Variants in ADAMTS3 observed in about 807,000 individuals in gnomAD.
ADAMTS3 encodes ADAM metallopeptidase with thrombospondin type 1 motif 3.
ADAMTS3 carries 73 observed loss-of-function variants against 129.0 expected under a neutral mutation model. The ratio of observed to expected loss-of-function variants is 0.57; its 90% CI spans 0.47 to 0.69. ADAMTS3 has a LOEUF of 0.69. Among genes scored for constraint, ADAMTS3 ranks in the 30% least tolerant of loss-of-function variants. The pLI is 0.00. For missense variants in ADAMTS3, 1,457 were observed against 1,514.5 expected, an observed-to-expected ratio of 0.96 and a Z score of 0.63; for synonymous variants, 477 against 510.8, an observed-to-expected ratio of 0.93 and a Z score of 0.89.
Position 72,291,820 on chromosome 4 carries a change from C to T in ADAMTS3, c.2724-758G>A, listed in dbSNP as rs376489026. Reference sequence around the variant, plus strand: ...TTCTAGTTCTAGATCCCTGAGGAATCGCCACACTGACTTCCACAATGGTTG... The same window carrying T: ...TTCTAGTTCTAGATCCCTGAGGAATTGCCACACTGACTTCCACAATGGTTG... On this transcript the variant is annotated intron_variant, in intron 19 of 21. Coordinates refer to ENST00000286657, the MANE Select transcript of ADAMTS3 (RefSeq NM_014243.3). Among the ~76,000 whole-genome samples the T allele has an allele frequency of 1.8e-4, 27 of 152,234 alleles. No individual in the cohort carries two copies. In the East Asian group the frequency reaches 4.8e-3, roughly 27 times the overall value.
chr4:72,530,475 A>ATAAAAAT (rs1553921191), intron 3 of ADAMTS3, among the ~76,000 whole-genome samples: 1 of 81,632 alleles, frequency 1.2e-5, no homozygotes, highest in Non-Finnish European at 2.1e-5. Context: ...ATATTAATTT[A>ATAAAAAT]ATATATAAAT....
At chr4:72,480,816 A>G (rs1290065320) in intron 3 of ADAMTS3, among the ~76,000 whole-genome samples, 2 of 151,652 alleles carry the variant, frequency 1.3e-5, no homozygotes, top group Admixed American at 6.6e-5. Flanking sequence ...AGAAAATCTC[A>G]AGGAACTCAT....
At chr4:72,525,206 G>A (rs1169371993) in intron 3 of ADAMTS3, among the ~76,000 whole-genome samples, 1 of 152,026 alleles carries the variant, frequency 6.6e-6, no homozygotes, top group Non-Finnish European at 1.5e-5. Context: ...AATTATTAAG[G>A]GTCAAAACAG....
chr4:72,346,621 G>C (rs950811002), intron 4 of ADAMTS3, among the ~76,000 whole-genome samples: 1 of 152,020 alleles, frequency 6.6e-6, no homozygotes, highest in Non-Finnish European at 1.5e-5. Flanking sequence ...ATAAAATAAA[G>C]TATTTTTTGT....
intron 3 of ADAMTS3, among the ~76,000 whole-genome samples, chr4:72,470,753 C>A (rs1242925360): frequency 6.6e-6 from 1 of 152,040 alleles, no homozygotes; most frequent in African/African-American, 2.4e-5. Flanking sequence ...GGCAGTGGCA[C>A]TCAACTGTAC....
chr4:72,482,536 T>C (rs1553918011), intron 3 of ADAMTS3, among the ~76,000 whole-genome samples: 1 of 152,074 alleles, frequency 6.6e-6, no homozygotes, highest in Non-Finnish European at 1.5e-5. Context: ...AAAGTGGTCA[T>C]GGCTATAAAA....
chr4:72,507,634 GAC>G (rs1720197391), intron 3 of ADAMTS3, among the ~76,000 whole-genome samples: 1 of 152,170 alleles, frequency 6.6e-6, no homozygotes, highest in African/African-American at 2.4e-5. Flanking sequence ...TGATAAGAGA[GAC>G]ACATTTTGAG....
At chr4:72,376,269 T>C (rs1431055605) in intron 4 of ADAMTS3, among the ~76,000 whole-genome samples, 1 of 152,200 alleles carries the variant, frequency 6.6e-6, no homozygotes, top group Non-Finnish European at 1.5e-5. Context: ...TCAAGGTTAA[T>C]ATCTGGTGAT....
intron 5 of ADAMTS3, among the ~76,000 whole-genome samples, chr4:72,337,461 C>A (rs1234466661): frequency 6.9e-6 from 1 of 145,430 alleles, no homozygotes; most frequent in East Asian, 2.4e-4. Flanking sequence ...AAAACACAAA[C>A]AAGGCAAACA....
chr4:72,399,866 G>GTATATATATACACACACGGTGTGTA, intron 4 of ADAMTS3, among the ~76,000 whole-genome samples: 1 of 38,358 alleles, frequency 2.6e-5, no homozygotes, highest in South Asian at 8.4e-4. Flanking sequence ...ATATACGTGT[G>GTATATATATACACACACGGTGTGTA]TATATATACA....
chr4:72,393,004 C>G (rs1025363950), intron 4 of ADAMTS3, among the ~76,000 whole-genome samples: 1 of 150,680 alleles, frequency 6.6e-6, no homozygotes, highest in Non-Finnish European at 1.5e-5. Flanking sequence ...CAGCTCACTA[C>G]AACCTCTGCC....
intron 3 of ADAMTS3, among the ~76,000 whole-genome samples, chr4:72,501,167 G>C (rs1187547382): frequency 6.6e-6 from 1 of 152,102 alleles, no homozygotes; most frequent in Non-Finnish European, 1.5e-5. Flanking sequence ...TTGGTAGCTT[G>C]AGAGGACTCG....
chr4:72,558,581 G>T (rs942993919), intron 2 of ADAMTS3, among the ~76,000 whole-genome samples: 2 of 151,460 alleles, frequency 1.3e-5, no homozygotes. Context: ...TAACATACTC[G>T]CAGGTTCCAA....
intron 3 of ADAMTS3, among the ~76,000 whole-genome samples, chr4:72,456,318 TTATATATAGTATATATACTGTATATAC>T (rs1301750501): frequency 2.0e-5 from 3 of 147,222 alleles, no homozygotes; most frequent in African/African-American, 7.5e-5. Context: ...TATATATATT[TTATATATAGTATATATACTGTATATAC>T]TATATATAGT....
chr4:72,518,666 T>C (rs1209844590), intron 3 of ADAMTS3, among the ~76,000 whole-genome samples: 2 of 152,044 alleles, frequency 1.3e-5, no homozygotes, highest in South Asian at 2.1e-4. Flanking sequence ...CAACCCCTGC[T>C]TTTTTTTGTT....
intron 3 of ADAMTS3, among the ~76,000 whole-genome samples, chr4:72,461,033 T>C (rs1047633673): frequency 1.3e-5 from 2 of 151,622 alleles, no homozygotes; most frequent in Non-Finnish European, 1.5e-5. Flanking sequence ...TTAACAAACA[T>C]AAACTGAGTA....
At chr4:72,344,738 G>T (rs1057296200) in intron 4 of ADAMTS3, among the ~76,000 whole-genome samples, 1 of 152,022 alleles carries the variant, frequency 6.6e-6, no homozygotes, top group African/African-American at 2.4e-5. Context: ...CCTAGAATGT[G>T]GACATGATGT....
rs371731183 is a variant in ADAMTS3 at position 72,283,308 on chromosome 4, G to A, written c.3446C>T (p.Ser1149Phe). 2.2e-5 allele frequency: 36 copies of A among 1,613,936 alleles called. No homozygotes were observed. Among genetic ancestry groups the A allele is most frequent in the Non-Finnish European group, 3.1e-5 (36 of 1,179,984 alleles). ...GTGGACCCTCTTGGTGGGTGGGGAG[G>A]ATGGTACGGTGACCAGTCTCACAGT... ...SKTVRLVTVP[S>F]SPPTKRVHLS... is the part of the protein sequence containing the mutation. The change falls in exon 22 of 22, where the codon TCC becomes TTC. Residue 1149 changes from serine (S) to phenylalanine (F), a missense_variant. Transcript: ENST00000286657.
chr4:72,288,714 A>G (rs2109768567), intron 21 of ADAMTS3, 37 bp downstream of exon 21: 2 of 1,323,298 alleles, frequency 1.5e-6, no homozygotes, highest in Admixed American at 1.8e-5. Context: ...AGGTTTAAAA[A>G]CATCAGAGCA....
Sources: allele counts gnomAD v4.1 joint callset (sites outside exome capture counted in the v4.1 genomes callset), GRCh38; gene constraint gnomAD v4.1.1; transcripts MANE v1.5; gene names NCBI Gene and HGNC (gene_info 2026-07-23, HGNC 2026-07-21).